The following ARHGAP24 variants were observed in gnomAD, a reference collection of about 807,000 sequenced individuals.
ARHGAP24 encodes rho GTPase-activating protein 24.
ARHGAP24 carries 50 observed loss-of-function variants against 76.4 expected under a neutral mutation model. The ratio of observed to expected loss-of-function variants is 0.65; its 90% CI spans 0.52 to 0.83. ARHGAP24 has a LOEUF of 0.83. Among genes scored for constraint, ARHGAP24 ranks in the 40% least tolerant of loss-of-function variants. The pLI is 0.00. For missense variants in ARHGAP24, 930 were observed against 914.2 expected, an observed-to-expected ratio of 1.02 and a Z score of -0.22; for synonymous variants, 345 against 323.3, an observed-to-expected ratio of 1.07 and a Z score of -0.72.
intron 3 of ARHGAP24, among the ~76,000 whole-genome samples, chr4:85,879,650 C>A (rs756947349): frequency 8.6e-5 from 13 of 151,550 alleles, no homozygotes; most frequent in Non-Finnish European, 1.3e-4. Context: ...TGGAGGATAC[C>A]TTTTAAACCC....
chr4:85,903,735 A>G (rs1734622114), intron 3 of ARHGAP24, among the ~76,000 whole-genome samples: 1 of 152,170 alleles, frequency 6.6e-6, no homozygotes, highest in African/African-American at 2.4e-5. Flanking sequence ...AGACACCCCA[A>G]TTGTTTAAAA....
chr4:85,819,673 C>A (rs768978774), intron 3 of ARHGAP24, among the ~76,000 whole-genome samples: 5 of 152,154 alleles, frequency 3.3e-5, no homozygotes, highest in Admixed American at 1.3e-4. Context: ...AATCCCAGCA[C>A]TTTGGGAGGC....
chr4:85,808,606 C>T (rs947898524), intron 3 of ARHGAP24, among the ~76,000 whole-genome samples: 7 of 152,140 alleles, frequency 4.6e-5, no homozygotes, highest in African/African-American at 1.4e-4. Context: ...TCTGACTTGA[C>T]TCTTAATATT....
At chr4:85,963,638 T>C (rs1173377615) in intron 5 of ARHGAP24, among the ~76,000 whole-genome samples, 1 of 152,134 alleles carries the variant, frequency 6.6e-6, no homozygotes, top group East Asian at 1.9e-4. Flanking sequence ...AATTTATTTT[T>C]ATTCTTTAGT....
At chr4:85,930,071 G>A (rs1236015322) in intron 4 of ARHGAP24, among the ~76,000 whole-genome samples, 2 of 152,214 alleles carry the variant, frequency 1.3e-5, no homozygotes, top group African/African-American at 4.8e-5. Context: ...AATGTGACCG[G>A]CGGGCACTGG....
intron 1 of ARHGAP24, among the ~76,000 whole-genome samples, chr4:85,532,353 G>A (rs932396486): frequency 2.6e-5 from 4 of 152,162 alleles, no homozygotes; most frequent in African/African-American, 7.2e-5. Context: ...TCCTATAGGA[G>A]TGAGGGCTGT....
At chr4:85,574,354 T>A (rs576414779) in intron 2 of ARHGAP24, among the ~76,000 whole-genome samples, 1 of 152,204 alleles carries the variant, frequency 6.6e-6, no homozygotes, top group African/African-American at 2.4e-5. Context: ...GTACAGTTAG[T>A]GGCAAGGAGT....
intron 2 of ARHGAP24, among the ~76,000 whole-genome samples, chr4:85,577,007 T>G (rs7656891): frequency 0.98 from 149,345 of 151,766 alleles, 73,521 homozygotes; most frequent in East Asian, 1. Context: ...GATACTTTAT[T>G]TATCTGATTT....
intron 3 of ARHGAP24, among the ~76,000 whole-genome samples, chr4:85,910,050 C>A (rs1043115379): frequency 6.6e-6 from 1 of 152,206 alleles, no homozygotes; most frequent in African/African-American, 2.4e-5. Context: ...ACTGCATAGT[C>A]AGACACACTG....
intron 2 of ARHGAP24, among the ~76,000 whole-genome samples, chr4:85,706,512 A>G (rs1439410216): frequency 6.6e-6 from 1 of 152,078 alleles, no homozygotes; most frequent in East Asian, 1.9e-4. Flanking sequence ...CACTAGACAC[A>G]AAACACATTT....
intron 2 of ARHGAP24, among the ~76,000 whole-genome samples, chr4:85,596,155 T>C (rs1267277945): frequency 2.0e-5 from 3 of 151,908 alleles, no homozygotes; most frequent in Non-Finnish European, 4.4e-5. Context: ...ATATGATGAG[T>C]AGAAACCAAA....
chr4:85,555,264 G>A (rs1007831440), intron 1 of ARHGAP24, among the ~76,000 whole-genome samples: 3 of 152,144 alleles, frequency 2.0e-5, no homozygotes, highest in East Asian at 1.9e-4. Context: ...ATTCAATGCA[G>A]CTGCCACACC....
At chr4:85,700,763 A>T (rs939141487) in intron 2 of ARHGAP24, among the ~76,000 whole-genome samples, 6 of 150,916 alleles carry the variant, frequency 4.0e-5, no homozygotes, top group East Asian at 1.9e-4. Context: ...CTCTTTTATT[A>T]TGAAGAGTTT....
At chr4:85,671,206 C>T (rs749185252) in intron 2 of ARHGAP24, among the ~76,000 whole-genome samples, 4 of 152,020 alleles carry the variant, frequency 2.6e-5, no homozygotes, top group Non-Finnish European at 4.4e-5. Flanking sequence ...TAAATGCTAC[C>T]TCTAAATAGC....
chr4:85,979,547 T>C (rs760422668), intron 8 of ARHGAP24, among the ~76,000 whole-genome samples: 2 of 152,176 alleles, frequency 1.3e-5, no homozygotes, highest in Non-Finnish European at 1.5e-5. Context: ...TGAATTTGTC[T>C]ACTCTAGGTA....
intron 2 of ARHGAP24, among the ~76,000 whole-genome samples, chr4:85,603,481 T>G (rs1720101538): frequency 6.6e-6 from 1 of 152,220 alleles, no homozygotes; most frequent in South Asian, 2.1e-4. Context: ...TAAAGAAAAT[T>G]TAAATACTTA....
chr4:85,541,448 C>T (rs956970087), intron 1 of ARHGAP24, among the ~76,000 whole-genome samples: 2 of 121,102 alleles, frequency 1.7e-5, no homozygotes, highest in East Asian at 2.0e-4. Context: ...CCACCGCGCC[C>T]GGCCCATCCA....
At chr4:85,822,455 G>A (rs1442461234) in intron 3 of ARHGAP24, among the ~76,000 whole-genome samples, 1 of 152,076 alleles carries the variant, frequency 6.6e-6, no homozygotes, top group Non-Finnish European at 1.5e-5. Context: ...TTTACCAGCT[G>A]TCTCCTGGTT....
intron 3 of ARHGAP24, among the ~76,000 whole-genome samples, chr4:85,864,472 A>G (rs528181390): frequency 2.6e-5 from 4 of 152,248 alleles, no homozygotes; most frequent in African/African-American, 9.6e-5. Context: ...AAAATTTGGT[A>G]CAGATTTATC....
Sources: gnomAD v4.1 joint callset for allele counts (sites outside exome capture counted in the v4.1 genomes callset) on GRCh38, gnomAD v4.1.1 for gene constraint, MANE v1.5 for transcripts, NCBI Gene and HGNC (gene_info 2026-07-23, HGNC 2026-07-21) for gene names.